Variants in FBLIM1 observed in about 807,000 individuals in gnomAD.
FBLIM1 encodes filamin binding LIM protein 1.
In FBLIM1, 29 loss-of-function variants were observed where a neutral mutation model predicts 37.4. The observed-to-expected ratio is 0.77, with a 90% CI of 0.58 to 1.06. The LOEUF is 1.06. Among genes scored for constraint, FBLIM1 ranks in the 50% least tolerant of loss-of-function variants. FBLIM1 has a pLI of 0.00. For synonymous variants in FBLIM1, 193 were observed against 199.0 expected (o/e 0.97, Z 0.25); for missense variants, 449 against 505.6 (o/e 0.89, Z 1.07).
At chr1:15,782,929 G>A (rs1483855372) in intron 8 of FBLIM1, among the ~76,000 whole-genome samples, 1 of 151,358 alleles carries the variant, frequency 6.6e-6, no homozygotes, top group Non-Finnish European at 1.5e-5. Flanking sequence ...ATGAGTAGCT[G>A]GGATTACAGG....
In FBLIM1 at chr1:15,765,773, C is replaced by T. The variant is rs986982509; in HGVS notation, c.250+540C>T. Among the ~76,000 whole-genome samples, 11 of 152,156 alleles carry T rather than the reference C, an allele frequency of 7.2e-5. No homozygotes were observed. The highest frequency in any genetic ancestry group is 1.2e-4 in the African/African-American group (5 of 41,430). On this transcript the variant is annotated intron_variant, in intron 3 of 8. Transcript: ENST00000375766. The surrounding 1 kb of genome is among the most constrained non-coding windows in gnomAD (Gnocchi z 5.9). ...TTGTCCTCTCAGAGTCATCCTCGAG[C>T]GGGTCCAGGACCCCCTTTCTGCCCA...
In FBLIM1 at chr1:15,771,239, GT is replaced by G. The variant is rs1455901904; in HGVS notation, c.711+670del. Among the ~76,000 whole-genome samples, 14 of 89,510 alleles carry G rather than the reference GT, an allele frequency of 1.6e-4. No individual in the cohort carries two copies. The East Asian group carries it at 4.8e-3, about 30-fold the overall frequency. The allele number at this position is 89,510 out of a possible 152,430, so 58.7% of individuals were successfully genotyped here. On this transcript the variant is annotated intron_variant, in intron 6 of 8. Transcript: ENST00000375766. ...AGGCATGAGCCACTGCGCCCAGCCTGTTTTTTTTTGTTTTTTTTTTTTTTTA... is the reference window on the plus strand; with the variant it reads ...AGGCATGAGCCACTGCGCCCAGCCTGTTTTTTTTGTTTTTTTTTTTTTTTA...
rs988545014 is a variant in FBLIM1, at chr1:15,769,063, A to G, written c.541+433A>G. Among the ~76,000 whole-genome samples, 9 of 152,292 alleles carry G rather than the reference A, an allele frequency of 5.9e-5. 1 individual carries two copies. In the South Asian group the frequency reaches 1.9e-3, roughly 32 times the overall value. On this transcript the variant is annotated intron_variant, in intron 5 of 8. Coordinates refer to ENST00000375766, the MANE Select transcript of FBLIM1 (RefSeq NM_017556.4). Reference sequence around the variant, plus strand: ...CAAAGACACTATGCACATACGAGCAAATACAAATATGTGTCCACCTGCTCC... The same window carrying G: ...CAAAGACACTATGCACATACGAGCAGATACAAATATGTGTCCACCTGCTCC...
At chr1:15,767,067 A>G (rs2068959748) in intron 3 of FBLIM1, among the ~76,000 whole-genome samples, 1 of 151,192 alleles carries the variant, frequency 6.6e-6, no homozygotes, top group Admixed American at 6.6e-5. Context: ...ATTTTTTTTA[A>G]TTTTTAGTAG....
At chr1:15,782,915 C>T (rs565281286) in intron 8 of FBLIM1, among the ~76,000 whole-genome samples, 1 of 151,500 alleles carries the variant, frequency 6.6e-6, no homozygotes, top group African/African-American at 2.4e-5. Flanking sequence ...TCTGTCTCAG[C>T]CTCATGAGTA....
chr1:15,782,527 T>C (rs1338429635), intron 8 of FBLIM1, among the ~76,000 whole-genome samples: 1 of 151,772 alleles, frequency 6.6e-6, no homozygotes, highest in Non-Finnish European at 1.5e-5. Context: ...CTTGCAGAGG[T>C]TGTGAGACTT....
chr1:15,782,893 G>A (rs900389576), intron 8 of FBLIM1, among the ~76,000 whole-genome samples: 12 of 150,804 alleles, frequency 8.0e-5, no homozygotes, highest in Non-Finnish European at 1.6e-4. Flanking sequence ...CCTCCTCCCG[G>A]GTTCAAACAA....
At position 15,765,272 on chromosome 1, in the gene FBLIM1, G is replaced by A; in HGVS notation, c.250+39G>A. 6.4e-7 allele frequency: 1 copy of A among 1,571,204 alleles called. No homozygotes were observed. The highest frequency in any genetic ancestry group is 1.2e-5 in the South Asian group (1 of 86,382). ...GGACTTTGGGGAAGACCACGTCAGA[G>A]GCAGAGGTGGGGAGGAAAGGGCAGG... On this transcript the variant is annotated intron_variant, in intron 3 of 8. Coordinates refer to ENST00000375766, the MANE Select transcript of FBLIM1 (RefSeq NM_017556.4). This position sits in a 1 kb window ranked among gnomAD's most constrained non-coding sequence, Gnocchi z 5.9.
chr1:15,770,584 CCCTG>C lies in FBLIM1; in HGVS notation c.711+8_711+11del. 1.2e-6 allele frequency: 2 copies of C among 1,613,022 alleles called. No homozygotes were observed. The highest frequency in any genetic ancestry group is 2.2e-5 in the South Asian group (2 of 91,066). ...TCTGCGAACCCTGCTACCAGGTAAC[CCCTG>C]CAGCAGACCTCTGGGTGCCAGGCAG... On this transcript the variant is annotated splice_region_variant and intron_variant, in intron 6 of 8. Coordinates refer to ENST00000375766, the MANE Select transcript of FBLIM1 (RefSeq NM_017556.4).
At chr1:15,762,260 GTTT>G (rs57122494) in intron 1 of FBLIM1, among the ~76,000 whole-genome samples, 2,542 of 108,582 alleles carry the variant, frequency 0.023, 38 homozygotes, top group African/African-American at 0.066. Flanking sequence ...TGGCTAATTT[GTTT>G]TTTTTTTTTT....
rs368601507 is a variant in FBLIM1 at position 15,777,139 on chromosome 1, G to A, written c.891-31G>A. 160 of 1,543,016 alleles carry A rather than the reference G, an allele frequency of 1.0e-4. 1 individual carries two copies. Among genetic ancestry groups the A allele is most frequent in the African/African-American group, 1.8e-4 (13 of 73,098 alleles). On this transcript the variant is annotated intron_variant, in intron 7 of 8. Transcript: ENST00000375766. The stretch of plus-strand genomic sequence containing the variant: ...TAATTTCTGTGGTTGTGGCATGAAC[G>A]CCTCCCAAGCATGGGTTCCTTTGCT...
intron 6 of FBLIM1, among the ~76,000 whole-genome samples, 160 bp downstream of exon 6, chr1:15,770,738 G>A (rs759958961): frequency 4.3e-4 from 65 of 152,272 alleles, no homozygotes; most frequent in South Asian, 2.1e-3. Flanking sequence ...CAGTGAAGGC[G>A]ATTGGTTTCC....
intron 1 of FBLIM1, among the ~76,000 whole-genome samples, chr1:15,763,371 G>A (rs775085048): frequency 2.0e-5 from 3 of 151,702 alleles, no homozygotes; most frequent in South Asian, 2.1e-4. Flanking sequence ...GATGGCTCAC[G>A]CCTGTAATCC....
chr1:15,765,699 G>T lies in FBLIM1; in HGVS notation c.250+466G>T, dbSNP rs2068881665. On this transcript the variant is annotated intron_variant, in intron 3 of 8. Transcript: ENST00000375766. The surrounding 1 kb of genome is among the most constrained non-coding windows in gnomAD (Gnocchi z 5.9). ...CCGGGCCCTGGGGATGCTGCCAGCTGCTTGAAGCCGTCTACACCGAAGGCT... is the reference window on the plus strand; with the variant it reads ...CCGGGCCCTGGGGATGCTGCCAGCTTCTTGAAGCCGTCTACACCGAAGGCT... Among the ~76,000 whole-genome samples, 3 of 152,172 alleles carry T rather than the reference G, an allele frequency of 2.0e-5. No homozygotes were observed. The highest frequency in any genetic ancestry group is 4.4e-5 in the Non-Finnish European group (3 of 68,036).
chr1:15,773,066 A>G (rs758108110), intron 6 of FBLIM1, among the ~76,000 whole-genome samples: 13 of 152,044 alleles, frequency 8.6e-5, no homozygotes, highest in Non-Finnish European at 1.6e-4. Flanking sequence ...GATTACAGGC[A>G]TAAGCCACCT....
intron 8 of FBLIM1, among the ~76,000 whole-genome samples, chr1:15,781,717 TG>T (rs1283818117): frequency 0.014 from 1,832 of 135,404 alleles, 46 homozygotes; most frequent in African/African-American, 0.045. Context: ...TAGGTAGTAT[TG>T]TTTTTTTTTT....
intron 5 of FBLIM1, among the ~76,000 whole-genome samples, chr1:15,769,404 G>A (rs1569794516): frequency 6.6e-6 from 1 of 152,044 alleles, no homozygotes; most frequent in Non-Finnish European, 1.5e-5. Context: ...TTGAACCCAG[G>A]AGGCGGAGGT....
chr1:15,774,984 C>T (rs543250662), intron 7 of FBLIM1, 188 bp downstream of exon 7: 103 of 1,258,546 alleles, frequency 8.2e-5, no homozygotes, highest in African/African-American at 6.3e-4. Context: ...TTTGGGAGGC[C>T]GAGGCGGGTG....
chr1:15,774,891 A>G (rs1005048532), intron 7 of FBLIM1, 95 bp downstream of exon 7: 1 of 1,608,572 alleles, frequency 6.2e-7, no homozygotes, highest in African/African-American at 1.3e-5. Context: ...GTGCTGGGCC[A>G]GAGTTTCCTG....
Sources: allele counts gnomAD v4.1 joint callset (sites outside exome capture counted in the v4.1 genomes callset), GRCh38; gene constraint gnomAD v4.1.1; non-coding constraint Gnocchi (gnomAD v3.1); transcripts MANE v1.5; gene names NCBI Gene and HGNC (gene_info 2026-07-23, HGNC 2026-07-21).